SUSD1: variants seen among roughly 807,000 people sequenced by gnomAD.
The protein encoded by SUSD1 is sushi domain-containing protein 1.
Under a neutral mutation model 86.9 loss-of-function variants are expected in SUSD1, and 65 were observed. The observed-to-expected ratio is 0.75, with a 90% confidence interval of 0.61 to 0.92. The LOEUF (loss-of-function observed/expected upper bound fraction) is 0.92. Among genes scored for constraint, SUSD1 ranks in the 40% least tolerant of loss-of-function variants. The probability of loss-of-function intolerance (pLI) is 0.00; values close to 1 mark genes in which losing one functional copy is unlikely to be tolerated. For synonymous variants in SUSD1, 346 were observed against 350.0 expected (o/e 0.99, Z 0.13); for missense variants, 850 against 929.7 (o/e 0.91, Z 1.11).
intron 2 of SUSD1, among the ~76,000 whole-genome samples, chr9:112,151,788 A>G (rs539163167): frequency 2.7e-4 from 41 of 152,130 alleles, no homozygotes; most frequent in Non-Finnish European, 5.9e-4. Flanking sequence ...CTGTAATCCC[A>G]GCACTTTGGG....
chr9:112,126,693 T>A (rs756133963), intron 5 of SUSD1, among the ~76,000 whole-genome samples: 9 of 152,160 alleles, frequency 5.9e-5, no homozygotes, highest in Non-Finnish European at 8.8e-5. Flanking sequence ...CTGAATCCCC[T>A]GGGAAGCTTT....
At chr9:112,058,726 T>C (rs561105163) in intron 13 of SUSD1, 40 bp from the exon 14 acceptor site, 7 of 1,599,306 alleles carry the variant, frequency 4.4e-6, no homozygotes, top group East Asian at 2.2e-5. Context: ...GACCCTTGCA[T>C]GGGGAGTTCA....
intron 2 of SUSD1, among the ~76,000 whole-genome samples, chr9:112,155,767 C>T (rs946366496): frequency 1.1e-4 from 16 of 151,416 alleles, no homozygotes; most frequent in African/African-American, 3.4e-4. Flanking sequence ...CTCAAGACCA[C>T]CCCGGGCAAT....
intron 15 of SUSD1, among the ~76,000 whole-genome samples, chr9:112,051,764 A>G (rs749112979): frequency 6.6e-6 from 1 of 152,070 alleles, no homozygotes; most frequent in Non-Finnish European, 1.5e-5. Context: ...ATGGTAGTGG[A>G]CTGTTGTAGC....
At chr9:112,079,533 T>G (rs1829673828) in intron 11 of SUSD1, among the ~76,000 whole-genome samples, 1 of 152,094 alleles carries the variant, frequency 6.6e-6, no homozygotes, top group African/African-American at 2.4e-5. Flanking sequence ...ACCCTGACAC[T>G]TCGGCCAAGA....
intron 14 of SUSD1, 121 bp from the exon 15 acceptor site, chr9:112,052,559 C>A: frequency 9.2e-7 from 1 of 1,084,208 alleles, no homozygotes; most frequent in Non-Finnish European, 1.4e-6. Flanking sequence ...TGAACTAGAC[C>A]TTTAAAGTCC....
rs1831101717 is a variant in SUSD1 at position 112,111,662 on chromosome 9, T to C, written c.1163A>G (p.Gln388Arg). The C allele has an allele frequency of 1.2e-6, 2 of 1,613,386 alleles. No homozygotes were observed. The highest frequency in any genetic ancestry group is 1.7e-5 in the Admixed American group (1 of 59,856). Residue 388 changes from glutamine to arginine, a missense_variant, in exon 8 of 17, where the codon CAG (glutamine) becomes CGG (arginine). Coordinates refer to ENST00000374270, the MANE Select transcript of SUSD1 (RefSeq NM_022486.5). ...RRSMPAVIGF[Q>R]TAEVDLLEDD... ...ACTTCACCTCCACCTACCAGCTGTC[T>C]GGAAACCGATGACGGCTGGCATCGA...
intron 1 of SUSD1, among the ~76,000 whole-genome samples, chr9:112,168,796 C>T (rs1050801576): frequency 6.6e-6 from 1 of 152,076 alleles, no homozygotes; most frequent in African/African-American, 2.4e-5. Context: ...TCTAAAAACC[C>T]AACAGCAACA....
Position 112,142,436 on chromosome 9 carries a change from C to A in SUSD1, c.590G>T (p.Ser197Ile), listed in dbSNP as rs750635821. ...DGYIIGNYTS[S>I]LGSQVRYACR... ...AGCATAACGAACCTGGCTGCCCAGACTAGACGTATAATTTCCTATGATATA... is the reference window on the plus strand; with the variant it reads ...AGCATAACGAACCTGGCTGCCCAGAATAGACGTATAATTTCCTATGATATA... The change falls in exon 5 of 17, where the codon AGT becomes ATT. Residue 197 changes from serine (S) to isoleucine (I), a missense_variant. By Grantham distance (142) the Ser-to-Ile change is moderately radical. Coordinates refer to ENST00000374270, the MANE Select transcript of SUSD1 (RefSeq NM_022486.5). The A allele has an allele frequency of 1.6e-5, 26 of 1,614,100 alleles. 1 individual carries two copies. The South Asian group carries it at 2.7e-4, about 17-fold the overall frequency.
intron 5 of SUSD1, among the ~76,000 whole-genome samples, chr9:112,139,672 C>T (rs1248040091): frequency 6.6e-6 from 1 of 151,582 alleles, no homozygotes; most frequent in African/African-American, 2.4e-5. Context: ...GCTGGAATTA[C>T]AGACATGAGC....
chr9:112,153,299 C>A (rs1423708972), intron 2 of SUSD1, among the ~76,000 whole-genome samples: 1 of 151,784 alleles, frequency 6.6e-6, no homozygotes, highest in Non-Finnish European at 1.5e-5. Context: ...CACAAACACA[C>A]ACACACACAA....
At chr9:112,097,005 C>G (rs1485451337) in intron 10 of SUSD1, among the ~76,000 whole-genome samples, 2 of 140,320 alleles carry the variant, frequency 1.4e-5, no homozygotes, top group African/African-American at 5.3e-5. Context: ...GACAAGGTGC[C>G]AGGCTCAATC....
At chr9:112,135,895 G>T (rs1490079789) in intron 5 of SUSD1, among the ~76,000 whole-genome samples, 1 of 152,174 alleles carries the variant, frequency 6.6e-6, no homozygotes, top group African/African-American at 2.4e-5. Flanking sequence ...TTCCACAAAA[G>T]GAAACTGGAG....
intron 2 of SUSD1, among the ~76,000 whole-genome samples, chr9:112,155,579 G>A (rs963817147): frequency 6.6e-6 from 1 of 152,072 alleles, no homozygotes; most frequent in Non-Finnish European, 1.5e-5. Flanking sequence ...AGACTCAGTG[G>A]GGATTTTTTT....
At chr9:112,142,676 A>G (rs984296051) in intron 4 of SUSD1, 177 bp from the exon 5 acceptor site, 2 of 600,300 alleles carry the variant, frequency 3.3e-6, no homozygotes, top group African/African-American at 1.9e-5. Context: ...TCTTTATTCA[A>G]TCTTTTGGCC....
intron 2 of SUSD1, among the ~76,000 whole-genome samples, chr9:112,155,690 G>A (rs544849411): frequency 1.3e-5 from 2 of 151,836 alleles, no homozygotes; most frequent in African/African-American, 2.4e-5. Flanking sequence ...GGCCAGGTGC[G>A]GTGGCTCATA....
At chr9:112,118,930 C>T (rs1447608287) in intron 6 of SUSD1, among the ~76,000 whole-genome samples, 11 of 152,252 alleles carry the variant, frequency 7.2e-5, no homozygotes, top group South Asian at 6.2e-4. Flanking sequence ...TAAGGAAACA[C>T]TCTAAGTAAA....
intron 2 of SUSD1, among the ~76,000 whole-genome samples, chr9:112,154,504 C>A (rs1021703674): frequency 1.3e-5 from 2 of 152,158 alleles, no homozygotes; most frequent in African/African-American, 4.8e-5. Flanking sequence ...CAGAGTGAGA[C>A]CCTGTCTGAA....
intron 10 of SUSD1, among the ~76,000 whole-genome samples, chr9:112,091,141 T>C (rs770540356): frequency 6.6e-6 from 1 of 152,080 alleles, no homozygotes; most frequent in Non-Finnish European, 1.5e-5. Flanking sequence ...TGCCAATTTC[T>C]GGCTTGACCA....
Sources: gnomAD v4.1 joint callset for allele counts (sites outside exome capture counted in the v4.1 genomes callset) on GRCh38, gnomAD v4.1.1 for gene constraint, MANE v1.5 for transcripts, NCBI Gene and HGNC (gene_info 2026-07-23, HGNC 2026-07-21) for gene names.